Variants in PARP9 observed in about 807,000 individuals in gnomAD.
The protein encoded by PARP9 is protein mono-ADP-ribosyltransferase PARP9.
Under a neutral mutation model 68.8 loss-of-function variants are expected in PARP9, and 48 were observed. The ratio of observed to expected loss-of-function variants is 0.70; its 90% CI spans 0.55 to 0.89. The LOEUF (loss-of-function observed/expected upper bound fraction) is 0.89, where lower values mean the gene tolerates loss of function less well. Among genes scored for constraint, PARP9 ranks in the 40% least tolerant of loss-of-function variants. The probability of loss-of-function intolerance (pLI) is 0.00; values close to 1 mark genes in which losing one functional copy is unlikely to be tolerated. For synonymous variants in PARP9, 309 were observed against 333.8 expected, an observed-to-expected ratio of 0.93 and a Z score of 0.81; for missense variants, 806 against 969.3, an observed-to-expected ratio of 0.83 and a Z score of 2.24.
At chr3:122,534,917 T>C (rs192423301) in intron 10 of PARP9, 87 of 975,352 alleles carry the variant, frequency 8.9e-5, no homozygotes, top group Middle Eastern at 1.1e-3. Context: ...TGCCTGAACT[T>C]GAGCTGATGA....
At chr3:122,546,268 T>G (rs1167361736) in intron 6 of PARP9, among the ~76,000 whole-genome samples, 1 of 152,230 alleles carries the variant, frequency 6.6e-6, no homozygotes, top group Non-Finnish European at 1.5e-5. Context: ...AATCTTGAGC[T>G]TTTCCCAGGC....
At chr3:122,562,475 G>C (rs980656542) in intron 1 of PARP9, among the ~76,000 whole-genome samples, 1 of 151,978 alleles carries the variant, frequency 6.6e-6, no homozygotes, top group Admixed American at 6.6e-5. Flanking sequence ...TTACAGGCGT[G>C]AGCCACCGCG....
intron 10 of PARP9, chr3:122,532,414 G>A: frequency 1.0e-6 from 1 of 985,242 alleles, no homozygotes; most frequent in South Asian, 4.7e-5. Context: ...TCCCAGCATA[G>A]ACAAAAGAGG....
At chr3:122,547,053 T>C (rs2078787193) in intron 6 of PARP9, among the ~76,000 whole-genome samples, 1 of 141,096 alleles carries the variant, frequency 7.1e-6, no homozygotes, top group South Asian at 2.2e-4. Flanking sequence ...TACACACATA[T>C]ATATACACAT....
intron 10 of PARP9, chr3:122,534,879 AAAAT>A (rs1053669136): frequency 1.5e-4 from 141 of 939,102 alleles, no homozygotes; most frequent in Non-Finnish European, 1.7e-4. Context: ...CCGTCTCAGA[AAAAT>A]AAATAAATAA....
chr3:122,552,492 C>A lies in PARP9; in HGVS notation c.1033G>T (p.Val345Phe). 6.2e-7 allele frequency: 1 copy of A among 1,614,102 alleles called. No homozygotes were observed. Among genetic ancestry groups the A allele is most frequent in the Non-Finnish European group, 8.5e-7 (1 of 1,180,008 alleles). ...CAGAACAAGTTAAATCCTTTTGTGACCAGTACCAACTGGGACCGTTGAAAC... is the reference window on the plus strand; with the variant it reads ...CAGAACAAGTTAAATCCTTTTGTGAACAGTACCAACTGGGACCGTTGAAAC... ...KQFQRSQLVL[V>F]TKGFNLFCKY... The change falls in exon 5 of 11, where the codon GTC becomes TTC. Residue 345 changes from valine (V) to phenylalanine (F), a missense_variant. By Grantham distance (50) the Val-to-Phe change is conservative (BLOSUM62 -1). Coordinates refer to ENST00000682323, the MANE Select transcript of PARP9 (RefSeq NM_001146105.2).
At position 122,562,473 on chromosome 3, in the gene PARP9, G is replaced by T. The variant is rs183591823; in HGVS notation, c.-90+1772C>A. Among the ~76,000 whole-genome samples the T allele has an allele frequency of 1.7e-4, 26 of 152,060 alleles. 1 individual carries two copies. The highest frequency in any genetic ancestry group is 5.8e-4 in the African/African-American group (24 of 41,462). ...CTCCCAAAGTGCTGGGATTACAGGC[G>T]TGAGCCACCGCGCCCAGCCATCAAT... is the stretch of plus-strand genomic sequence containing the variant. On this transcript the variant is annotated intron_variant, in intron 1 of 10. Transcript: ENST00000682323.
At chr3:122,548,576 G>A (rs933168345) in intron 6 of PARP9, among the ~76,000 whole-genome samples, 6 of 152,180 alleles carry the variant, frequency 3.9e-5, no homozygotes, top group Admixed American at 2.6e-4. Flanking sequence ...AAGCAGAGAT[G>A]GTCGGTACTT....
At chr3:122,535,869 G>C in intron 10 of PARP9, 2 of 1,119,618 alleles carry the variant, frequency 1.8e-6, no homozygotes, top group Non-Finnish European at 2.2e-6. Context: ...AAGCCTCAAC[G>C]TGTTCTCTGC....
At chr3:122,540,436 A>G in intron 8 of PARP9, 36 bp downstream of exon 8, 1 of 1,602,336 alleles carries the variant, frequency 6.2e-7, no homozygotes, top group Non-Finnish European at 8.5e-7. Context: ...AACAATGGGG[A>G]GAATTTACTT....
intron 10 of PARP9, 125 bp downstream of exon 10, chr3:122,536,043 C>A: frequency 1.9e-6 from 3 of 1,572,088 alleles, no homozygotes; most frequent in South Asian, 1.2e-5. Flanking sequence ...TCATTTGTGA[C>A]CTCTAAATCA....
chr3:122,545,226 C>A (rs1401169120), intron 7 of PARP9, among the ~76,000 whole-genome samples: 1 of 152,170 alleles, frequency 6.6e-6, no homozygotes, highest in Non-Finnish European at 1.5e-5. Context: ...GCAACTCAAC[C>A]TTCCTCTGTT....
At chr3:122,539,547 C>CT (rs1553714631) in intron 8 of PARP9, among the ~76,000 whole-genome samples, 1 of 52,292 alleles carries the variant, frequency 1.9e-5, no homozygotes, top group Non-Finnish European at 4.4e-5. Flanking sequence ...TTCTTTCTTT[C>CT]TTTCTTTCTT....
In PARP9 at chr3:122,556,240, G is replaced by A. The variant is rs1307337676; in HGVS notation, c.50-119C>T. On this transcript the variant is annotated intron_variant, in intron 3 of 10. Coordinates refer to ENST00000682323, the MANE Select transcript of PARP9 (RefSeq NM_001146105.2). Reference sequence around the variant, plus strand: ...CTGTGTTTCCTATGTGCAAAAGAGAGATGAACTTCATGTAGTGCTCTTCAT... The same window carrying A: ...CTGTGTTTCCTATGTGCAAAAGAGAAATGAACTTCATGTAGTGCTCTTCAT... The A allele has an allele frequency of 1.0e-5, 7 of 670,596 alleles. 1 individual carries two copies. Among genetic ancestry groups the A allele is most frequent in the Admixed American group, 6.9e-5 (2 of 29,074 alleles). 41.5% of individuals were successfully genotyped at this position (670,596 alleles called of 1,614,324 possible).
intron 1 of PARP9, among the ~76,000 whole-genome samples, chr3:122,563,820 C>T (rs2080445265): frequency 6.6e-6 from 1 of 152,122 alleles, no homozygotes; most frequent in Non-Finnish European, 1.5e-5. Flanking sequence ...CGCCTCCCCT[C>T]ACCAGCCCTT....
At position 122,540,571 on chromosome 3, in the gene PARP9, C is replaced by T; in HGVS notation, c.1666G>A (p.Ala556Thr). 1.2e-6 allele frequency: 2 copies of T among 1,614,158 alleles called. No individual in the cohort carries two copies. The highest frequency in any genetic ancestry group is 1.7e-6 in the Non-Finnish European group (2 of 1,180,024). Residue 556 changes from alanine to threonine, a missense_variant, in exon 8 of 11, where the codon GCT becomes ACT. Coordinates refer to ENST00000682323, the MANE Select transcript of PARP9 (RefSeq NM_001146105.2). ...RTELEIEGARADLIEVVMNIE... is the reference protein window; with the variant it reads ...RTELEIEGARTDLIEVVMNIE... ...TTCATAACCACCTCAATGAGGTCAGCCCGGGCTCCTTCAATCTCTAACTCT... is the reference window on the plus strand; with the variant it reads ...TTCATAACCACCTCAATGAGGTCAGTCCGGGCTCCTTCAATCTCTAACTCT...
chr3:122,556,140 T>TAA lies in PARP9; in HGVS notation c.50-20_50-19insTT. 2 of 92,804 alleles carry TAA rather than the reference T, an allele frequency of 2.2e-5. No homozygotes were observed. The highest frequency in any genetic ancestry group is 1.7e-5 in the Non-Finnish European group (1 of 57,594). 5.7% of individuals were successfully genotyped at this position (92,804 alleles called of 1,614,324 possible). A position where few individuals can be genotyped will look rare whatever the true frequency, so the allele number is the denominator to read the frequency against. On this transcript the variant is annotated intron_variant, in intron 3 of 10. Transcript: ENST00000682323. ...CCAGTCTCTGGAAAAGAAGAGAAGATTAAAAAAAAAAAAAAAAAAAAAAAA... is the reference window on the plus strand; with the variant it reads ...CCAGTCTCTGGAAAAGAAGAGAAGATAATAAAAAAAAAAAAAAAAAAAAAAAA...
chr3:122,540,921 C>A, intron 7 of PARP9, 69 bp from the exon 8 acceptor site: 1 of 1,475,218 alleles, frequency 6.8e-7, no homozygotes, highest in Non-Finnish European at 9.0e-7. Flanking sequence ...GATGGAGTCT[C>A]GCTCTGTCTC....
chr3:122,535,516 TC>T, intron 10 of PARP9: 1 of 985,406 alleles, frequency 1.0e-6, no homozygotes, highest in South Asian at 4.7e-5. Context: ...AAATTTCTTT[TC>T]CTCTTTTGGA....
Sources: gnomAD v4.1 joint callset for allele counts (sites outside exome capture counted in the v4.1 genomes callset) on GRCh38, gnomAD v4.1.1 for gene constraint, MANE v1.5 for transcripts, NCBI Gene and HGNC (gene_info 2026-07-23, HGNC 2026-07-21) for gene names.